ITGA2B: variants seen among roughly 807,000 people sequenced by gnomAD.
The protein encoded by ITGA2B is integrin alpha-IIb.
A neutral mutation model predicts 142.0 loss-of-function variants in ITGA2B; 91 were observed. That is an observed-to-expected ratio of 0.64 (90% confidence interval 0.54 to 0.76). The LOEUF is 0.76. Ranked by LOEUF, ITGA2B falls within the 30% of genes least tolerant of loss-of-function variation. The pLI is 0.00. For synonymous variants in ITGA2B, 536 were observed against 567.2 expected (o/e 0.94, Z 0.78); for missense variants, 1,231 against 1,350.8 (o/e 0.91, Z 1.39).
At chr17:44,378,025 T>G (rs1010526097) in intron 20 of ITGA2B, among the ~76,000 whole-genome samples, 3 of 151,202 alleles carry the variant, frequency 2.0e-5, no homozygotes, top group African/African-American at 7.4e-5. Context: ...ACCCCCATTA[T>G]TATAAACTAT....
Position 44,385,326 on chromosome 17 carries a change from T to G in ITGA2B, c.584A>C (p.Lys195Thr), listed in dbSNP as rs142811900. The change falls in exon 5 of 30, where the codon AAG becomes ACG. Residue 195 changes from lysine to threonine, a missense_variant. Lys to Thr is a moderately conservative substitution (Grantham distance 78). This residue lies in a region of ITGA2B where 318 missense variants were observed against 312.2 expected (regional missense o/e 1.02). Coordinates refer to ENST00000262407, the MANE Select transcript of ITGA2B (RefSeq NM_000419.5). ...GCTGAAGCCCGCTTCACAGTAACGC[T>G]TGTCCCAGCCTGCAGGAGACAAGGA... ...IYVENDFSWD[K>T]RYCEAGFSSV... The G allele has an allele frequency of 7.4e-6, 12 of 1,611,602 alleles. No homozygotes were observed. Among genetic ancestry groups the G allele is most frequent in the Non-Finnish European group, 9.3e-6 (11 of 1,179,842 alleles).
Position 44,384,022 on chromosome 17 carries a change from G to A in ITGA2B, c.945+63C>T. ...TAAGAAATGGGCCCTCACCTCCCATGAAATATTCTGAAGTCTCAGTTCCCC... is the reference window on the plus strand; with the variant it reads ...TAAGAAATGGGCCCTCACCTCCCATAAAATATTCTGAAGTCTCAGTTCCCC... On this transcript the variant is annotated intron_variant, in intron 10 of 29. Transcript: ENST00000262407. 2.5e-6 allele frequency: 4 copies of A among 1,613,580 alleles called. No individual in the cohort carries two copies. The South Asian group carries it at 4.4e-5, about 18-fold the overall frequency.
At chr17:44,381,335 T>TC (rs1491319582) in intron 12 of ITGA2B, among the ~76,000 whole-genome samples, 1 of 132,866 alleles carries the variant, frequency 7.5e-6, no homozygotes, top group East Asian at 2.0e-4. Context: ...CTTTTCTAAA[T>TC]TTTTTTTTTT....
rs1481715957 is a variant in ITGA2B, at chr17:44,379,694, C to T, written c.1873G>A (p.Glu625Lys). Residue 625 changes from glutamate to lysine, a missense_variant, in exon 18 of 30, where the codon GAG becomes AAG. Glu to Lys is a moderately conservative substitution (Grantham distance 56). Transcript: ENST00000262407. ...CTGTCCCTGCCTGTCCCTACCTGCT[C>T]CTGCACATGGGTGTCTCCATGCAGC... ...VVLHGDTHVQ[E>K]QTRIVLDCGE... The T allele has an allele frequency of 5.0e-6, 8 of 1,613,974 alleles. No homozygotes were observed. The highest frequency in any genetic ancestry group is 1.1e-5 in the South Asian group (1 of 91,082).
chr17:44,387,852 A>AAAAAG (rs2048663912), intron 1 of ITGA2B, among the ~76,000 whole-genome samples: 1 of 149,864 alleles, frequency 6.7e-6, no homozygotes, highest in African/African-American at 2.5e-5. Context: ...AAAAAAAAAA[A>AAAAAG]AAGAAGAAGA....
In ITGA2B at chr17:44,380,110, C is replaced by T. The variant is rs900246343; in HGVS notation, c.1644G>A (p.Gln548=). 1 of 1,613,962 alleles carries T rather than the reference C, an allele frequency of 6.2e-7. No homozygotes were observed. ...AGCCCAGCAGCAGCACCCGCCGGCC[C>T]TGGCGGGGCTTCTGCCGGTCCAGCT... ...ELQLDRQKPR[Q]GRRVLLLGSQ... The change falls in exon 17 of 30, where the codon CAG becomes CAA. Residue 548 remains glutamine (Q), a synonymous_variant. Coordinates refer to ENST00000262407, the MANE Select transcript of ITGA2B (RefSeq NM_000419.5).
At chr17:44,387,133 G>A (rs989294640) in intron 1 of ITGA2B, among the ~76,000 whole-genome samples, 3 of 152,150 alleles carry the variant, frequency 2.0e-5, no homozygotes, top group Non-Finnish European at 1.5e-5. Context: ...GGGGAAATCA[G>A]CAGGAGTGGG....
At position 44,378,702 on chromosome 17, in the gene ITGA2B, G is replaced by A. The variant is rs1314429206; in HGVS notation, c.1887C>T (p.Ile629=). 11 of 1,556,646 alleles carry A rather than the reference G, an allele frequency of 7.1e-6. No homozygotes were observed. The highest frequency in any genetic ancestry group is 8.7e-6 in the Non-Finnish European group (10 of 1,149,430). The part of the protein sequence containing the change: ...GDTHVQEQTR[I]VLDCGEDDVC... ...CGTCATCTTCCCCACAGTCCAGGAC[G>A]ATTCGTGTCTAGAGGGGCACATTGG... Residue 629 remains isoleucine, a synonymous_variant, in exon 19 of 30, where the codon ATC becomes ATT. Transcript: ENST00000262407.
At position 44,375,719 on chromosome 17, in the gene ITGA2B, G is replaced by C. The variant is rs763330792; in HGVS notation, c.2602-3C>G. The stretch of plus-strand genomic sequence containing the variant: ...GGGATGGGCAGCCCCCAGTCCACCT[G>C]GGGGGGCAAAGGAGTGGTCAGGCCC... On this transcript the variant is annotated splice_region_variant and splice_polypyrimidine_tract_variant and intron_variant, in intron 25 of 29. Transcript: ENST00000262407. The C allele has an allele frequency of 5.7e-6, 9 of 1,572,764 alleles. No homozygotes were observed. In the East Asian group the frequency reaches 1.4e-4, roughly 24 times the overall value.
Position 44,385,863 on chromosome 17 carries a change from T to C in ITGA2B, c.369A>G (p.Gly123=). The change falls in exon 3 of 30, where the codon GGA becomes GGG. Residue 123 remains glycine (G), a synonymous_variant. Transcript: ENST00000262407. ...QTLQTFKARQ[G]LGASVVSWSD... is the part of the protein sequence containing the mutation. ...TCCAGCTGACGACCGACGCCCCCAGTCCTTGGCGGGCCTTGAAGGTTTGTA... is the reference window on the plus strand; with the variant it reads ...TCCAGCTGACGACCGACGCCCCCAGCCCTTGGCGGGCCTTGAAGGTTTGTA... The C allele has an allele frequency of 6.2e-7, 1 of 1,606,374 alleles. No individual in the cohort carries two copies. The highest frequency in any genetic ancestry group is 8.5e-7 in the Non-Finnish European group (1 of 1,175,940).
At position 44,377,086 on chromosome 17, in the gene ITGA2B, T is replaced by C. The variant is rs769652916; in HGVS notation, c.2190A>G (p.Ile730Met). The change falls in exon 22 of 30, where the codon ATA becomes ATG. Residue 730 changes from isoleucine to methionine, a missense_variant and splice_region_variant. Physicochemically the swap from Ile to Met is conservative, Grantham distance 10. This residue lies in a region of ITGA2B where 908 missense variants were observed against 1,021.1 expected (regional missense o/e 0.89). Coordinates refer to ENST00000262407, the MANE Select transcript of ITGA2B (RefSeq NM_000419.5). Reference protein sequence around the residue: ...LGNPMKKNAQIGIAMLVSVGN... With the variant: ...LGNPMKKNAQMGIAMLVSVGN... ...CCACGCTCACCAACATCGCGATTCC[T>C]ATCTGGGAGATGAGGAGGGCCAAGG... 6.4e-7 allele frequency: 1 copy of C among 1,571,710 alleles called. No homozygotes were observed.
chr17:44,384,235 T>TG (rs2048623258), intron 9 of ITGA2B, 76 bp downstream of exon 9: 3 of 630,518 alleles, frequency 4.8e-6, no homozygotes, highest in Non-Finnish European at 8.0e-6. Context: ...GGGGCGGGGG[T>TG]GGGGGGCGCT....
chr17:44,376,889 A>T, intron 22 of ITGA2B, 120 bp downstream of exon 22: 1 of 769,656 alleles, frequency 1.3e-6, no homozygotes, highest in Non-Finnish European at 2.2e-6. Context: ...CTGGGATTAC[A>T]GGTGTGAGCC....
At chr17:44,384,805 C>G (rs989857821) in intron 7 of ITGA2B, 143 bp downstream of exon 7, 1 of 1,419,156 alleles carries the variant, frequency 7.0e-7, no homozygotes, top group Non-Finnish European at 9.9e-7. Flanking sequence ...TGCGGGGAAG[C>G]CGCAGGAGCG....
At position 44,385,903 on chromosome 17, in the gene ITGA2B, A is replaced by G; in HGVS notation, c.329T>C (p.Val110Ala). ...LFDLRDETRN[V>A]GSQTLQTFKA... ...GAAGGTTTGTAAAGTTTGGGAGCCT[A>G]CATTTCGGGTCTCATCACCTGGAAG... The change falls in exon 3 of 30, where the codon GTA becomes GCA. Residue 110 changes from valine (V) to alanine (A), a missense_variant. Coordinates refer to ENST00000262407, the MANE Select transcript of ITGA2B (RefSeq NM_000419.5). 6.2e-7 allele frequency: 1 copy of G among 1,612,396 alleles called. No homozygotes were observed. The highest frequency in any genetic ancestry group is 8.5e-7 in the Non-Finnish European group (1 of 1,179,242).
intron 13 of ITGA2B, 34 bp from the exon 14 acceptor site, chr17:44,380,679 A>T (rs1410393961): frequency 6.2e-7 from 1 of 1,614,068 alleles, no homozygotes. Context: ...AGAATTGGCG[A>T]TTAGGGCATG....
intron 18 of ITGA2B, among the ~76,000 whole-genome samples, chr17:44,378,977 G>C (rs868126693): frequency 2.6e-5 from 4 of 152,132 alleles, no homozygotes; most frequent in Non-Finnish European, 5.9e-5. Context: ...ACGGAGTCTC[G>C]CTCTGTCGTC....
chr17:44,374,922 C>T, intron 27 of ITGA2B, 76 bp downstream of exon 27: 1 of 1,377,022 alleles, frequency 7.3e-7, no homozygotes, highest in Non-Finnish European at 1.0e-6. Flanking sequence ...CCCTCCCACA[C>T]CAAACCCCGC....
In ITGA2B at chr17:44,375,577, G is replaced by C. The variant is rs369134206; in HGVS notation, c.2727+14C>G. On this transcript the variant is annotated intron_variant, in intron 26 of 29. Coordinates refer to ENST00000262407, the MANE Select transcript of ITGA2B (RefSeq NM_000419.5). ...CCCGGGGAGGCCGGGCCAGAGACCA[G>C]AGAGCCTGCTCACTACGAGAACTGG... 39 of 1,613,474 alleles carry C rather than the reference G, an allele frequency of 2.4e-5. No homozygotes were observed. Among genetic ancestry groups the C allele is most frequent in the Middle Eastern group, 1.6e-4 (1 of 6,062 alleles).
Sources: allele counts gnomAD v4.1 joint callset (sites outside exome capture counted in the v4.1 genomes callset), GRCh38; gene constraint gnomAD v4.1.1; regional missense constraint gnomAD v4.1.1; transcripts MANE v1.5; gene names NCBI Gene and HGNC (gene_info 2026-07-23, HGNC 2026-07-21).